MIR2052HG: variants seen among roughly 807,000 people sequenced by gnomAD.
The protein encoded by MIR2052HG is MIR2052 host gene.
chr8:74,692,095 T>A (rs2128739996), intron 2 of MIR2052HG, among the ~76,000 whole-genome samples: 1 of 152,334 alleles, frequency 6.6e-6, no homozygotes, highest in Non-Finnish European at 1.5e-5. Context: ...TCTTTTCTTT[T>A]CTTTTGATAC....
chr8:74,722,014 A>C (rs759502850), intron 4 of MIR2052HG, among the ~76,000 whole-genome samples: 3 of 152,186 alleles, frequency 2.0e-5, no homozygotes, highest in Non-Finnish European at 2.9e-5. Context: ...GCAACATAGC[A>C]AGACCCGTTT....
At chr8:74,678,987 A>G (rs1021665725) in intron 2 of MIR2052HG, among the ~76,000 whole-genome samples, 3 of 152,216 alleles carry the variant, frequency 2.0e-5, no homozygotes, top group Non-Finnish European at 4.4e-5. Flanking sequence ...GATATTTCAT[A>G]AAGTTCAACA....
intron 2 of MIR2052HG, among the ~76,000 whole-genome samples, chr8:74,651,367 T>A (rs16938932): frequency 0.084 from 12,820 of 152,178 alleles, 806 homozygotes; most frequent in African/African-American, 0.16. Context: ...TGACAGGTAA[T>A]GGTTAGAAGT....
intron 1 of MIR2052HG, among the ~76,000 whole-genome samples, chr8:74,601,431 C>G (rs1807999234): frequency 6.6e-6 from 1 of 152,182 alleles, no homozygotes; most frequent in Non-Finnish European, 1.5e-5. Context: ...GACTGCTTGA[C>G]TCCCTCATCT....
At chr8:74,648,009 C>T (rs968694838) in intron 2 of MIR2052HG, among the ~76,000 whole-genome samples, 6 of 152,044 alleles carry the variant, frequency 3.9e-5, no homozygotes, top group Non-Finnish European at 8.8e-5. Context: ...AATATGAAAT[C>T]AGTGCACCCT....
At position 74,753,812 on chromosome 8, in the gene MIR2052HG, C is replaced by T. The variant is rs181174745; in HGVS notation, n.464+1279C>T. Among the ~76,000 whole-genome samples, 562 of 152,260 alleles carry T rather than the reference C, an allele frequency of 3.7e-3. 4 individuals carry two copies. Among genetic ancestry groups the T allele is most frequent in the African/African-American group, 0.013 (527 of 41,556 alleles). On this transcript the variant is annotated intron_variant and non_coding_transcript_variant, in intron 5 of 6. Coordinates refer to ENST00000523442, the Ensembl canonical transcript of MIR2052HG. ...GCAATTTTCACCTCTTGTCTATTGACATATCATGCTGCCTAAAAACTATGC... is the reference window on the plus strand; with the variant it reads ...GCAATTTTCACCTCTTGTCTATTGATATATCATGCTGCCTAAAAACTATGC...
chr8:74,670,159 T>C (rs1223012649), intron 2 of MIR2052HG, among the ~76,000 whole-genome samples: 1 of 152,160 alleles, frequency 6.6e-6, no homozygotes, highest in Non-Finnish European at 1.5e-5. Context: ...TGTGAAAAAA[T>C]AAATTTTGGT....
At chr8:74,669,144 C>T (rs1468349542) in intron 2 of MIR2052HG, among the ~76,000 whole-genome samples, 1 of 152,164 alleles carries the variant, frequency 6.6e-6, no homozygotes, top group Non-Finnish European at 1.5e-5. Context: ...TTAATATGCT[C>T]AGAAATGAAT....
Position 74,668,856 on chromosome 8 carries a change from C to G in MIR2052HG, n.217-33523C>G, listed in dbSNP as rs547325303. ...CCTATCCTTGAACTCAGAAGACTTG[C>G]GGAAGCTCATTTCATTTTCAGAGCT... On this transcript the variant is annotated intron_variant and non_coding_transcript_variant, in intron 2 of 6. Transcript: ENST00000523442. 1.7e-3 allele frequency among the ~76,000 whole-genome samples: 253 copies of G among 152,272 alleles called. 2 individuals carry two copies. The highest frequency in any genetic ancestry group is 5.8e-3 in the African/African-American group (242 of 41,558).
chr8:74,753,048 GTAGGTATT>G (rs1809964221), intron 5 of MIR2052HG, among the ~76,000 whole-genome samples: 3 of 152,308 alleles, frequency 2.0e-5, no homozygotes, highest in South Asian at 2.1e-4. Flanking sequence ...TAATCAGAAG[GTAGGTATT>G]TTTTAAAACA....
intron 4 of MIR2052HG, among the ~76,000 whole-genome samples, chr8:74,732,257 A>G (rs1448229386): frequency 6.6e-6 from 1 of 152,226 alleles, no homozygotes; most frequent in East Asian, 1.9e-4. Context: ...GATTCAAAGT[A>G]TACAAGAGGA....
intron 4 of MIR2052HG, among the ~76,000 whole-genome samples, chr8:74,725,521 G>A (rs1435684811): frequency 1.3e-5 from 2 of 152,190 alleles, no homozygotes; most frequent in African/African-American, 4.8e-5. Context: ...TTCAACTCAG[G>A]TGCTTCTCAT....
chr8:74,634,891 C>CT (rs1808562492), intron 2 of MIR2052HG, among the ~76,000 whole-genome samples: 1 of 152,100 alleles, frequency 6.6e-6, no homozygotes, highest in African/African-American at 2.4e-5. Context: ...TTGATCCACT[C>CT]TTTCCTCAAT....
intron 2 of MIR2052HG, among the ~76,000 whole-genome samples, chr8:74,674,866 C>G (rs1005309211): frequency 3.3e-5 from 5 of 151,864 alleles, no homozygotes; most frequent in African/African-American, 9.6e-5. Context: ...CGTTACTATA[C>G]TACTTGGAAA....
chr8:74,743,358 C>A (rs1274697794), intron 4 of MIR2052HG, among the ~76,000 whole-genome samples: 1 of 151,988 alleles, frequency 6.6e-6, no homozygotes, highest in Non-Finnish European at 1.5e-5. Context: ...ACTGAATCCC[C>A]AAGTGTTATA....
intron 2 of MIR2052HG, among the ~76,000 whole-genome samples, chr8:74,678,291 G>A (rs980902148): frequency 6.6e-5 from 10 of 152,126 alleles, no homozygotes; most frequent in Admixed American, 5.2e-4. Flanking sequence ...GGACGTGGTG[G>A]CTCAGGCCTG....
chr8:74,692,379 C>A (rs1040538669), intron 2 of MIR2052HG, among the ~76,000 whole-genome samples: 1 of 152,120 alleles, frequency 6.6e-6, no homozygotes, highest in Non-Finnish European at 1.5e-5. Context: ...TTGAACATTT[C>A]AATTGCATTC....
intron 2 of MIR2052HG, among the ~76,000 whole-genome samples, chr8:74,686,390 T>C (rs1809181240): frequency 6.6e-6 from 1 of 152,050 alleles, no homozygotes; most frequent in South Asian, 2.1e-4. Context: ...AAGTCTTATT[T>C]TGTTCAACTT....
At chr8:74,640,706 A>G (rs1392158766) in intron 2 of MIR2052HG, among the ~76,000 whole-genome samples, 1 of 152,196 alleles carries the variant, frequency 6.6e-6, no homozygotes, top group Non-Finnish European at 1.5e-5. Flanking sequence ...CCAGGGAAAG[A>G]GATCTAACAG....
Sources: allele counts gnomAD v4.1 joint callset (sites outside exome capture counted in the v4.1 genomes callset), GRCh38; gene constraint gnomAD v4.1.1; transcripts MANE v1.5; gene names NCBI Gene and HGNC (gene_info 2026-07-23, HGNC 2026-07-21).